ARHGEF10L: variants seen among roughly 807,000 people sequenced by gnomAD.
ARHGEF10L encodes rho guanine nucleotide exchange factor 10-like protein.
In ARHGEF10L, 69 loss-of-function variants were observed where a neutral mutation model predicts 141.2. The ratio of observed to expected loss-of-function variants is 0.49; its 90% CI spans 0.40 to 0.60. ARHGEF10L has a LOEUF of 0.60. ARHGEF10L is among the 20% of genes least tolerant of loss of function. ARHGEF10L has a pLI of 0.00. For missense variants in ARHGEF10L, 1,482 were observed against 1,734.3 expected, an observed-to-expected ratio of 0.85 and a Z score of 2.58; for synonymous variants, 711 against 718.5, an observed-to-expected ratio of 0.99 and a Z score of 0.17.
intron 27 of ARHGEF10L, among the ~76,000 whole-genome samples, chr1:17,690,124 C>T (rs1342585269): frequency 1.3e-5 from 2 of 152,190 alleles, no homozygotes; most frequent in Admixed American, 6.5e-5. Flanking sequence ...CACGGACTCT[C>T]GTTAGAGCTT....
chr1:17,591,292 GAGTGC>G (rs1224705802), intron 4 of ARHGEF10L, among the ~76,000 whole-genome samples: 1 of 152,222 alleles, frequency 6.6e-6, no homozygotes, highest in East Asian at 1.9e-4. Context: ...GCCCAGGCTG[GAGTGC>G]AGTGGTGTGA....
chr1:17,588,377 C>T (rs1161097564), intron 3 of ARHGEF10L, 69 bp from the exon 4 acceptor site: 18 of 1,570,522 alleles, frequency 1.1e-5, no homozygotes, highest in Admixed American at 5.0e-5. Context: ...GGGAAAGGGG[C>T]GGGGAAGGCC....
At position 17,696,678 on chromosome 1, in the gene ARHGEF10L, G is replaced by T. The variant is rs565281141; in HGVS notation, c.3308-170G>T. On this transcript the variant is annotated intron_variant, in intron 28 of 28. Transcript: ENST00000361221. ...TGTTCCACTCCCCTGAGGAAGTTGTGCAGGAGCACGGGATAGCCAGAGCCT... is the reference window on the plus strand; with the variant it reads ...TGTTCCACTCCCCTGAGGAAGTTGTTCAGGAGCACGGGATAGCCAGAGCCT... Among the ~76,000 whole-genome samples, 5 of 152,330 alleles carry T rather than the reference G, an allele frequency of 3.3e-5. No individual in the cohort carries two copies. The South Asian group carries it at 1.0e-3, about 32-fold the overall frequency.
Position 17,692,613 on chromosome 1 carries a change from G to A in ARHGEF10L, c.3185-2545G>A, listed in dbSNP as rs561701952. 3.3e-5 allele frequency among the ~76,000 whole-genome samples: 5 copies of A among 152,214 alleles called. 1 individual carries two copies. Among genetic ancestry groups the A allele is most frequent in the Admixed American group, 1.3e-4 (2 of 15,296 alleles). ...GGGCTCTCCTCACCTCACTGCCGCC[G>A]CCCTTCCCACCTGGGCAGCTGCGGG... On this transcript the variant is annotated intron_variant, in intron 27 of 28. Transcript: ENST00000361221.
intron 26 of ARHGEF10L, among the ~76,000 whole-genome samples, chr1:17,674,778 GA>G (rs2063541216): frequency 1.3e-5 from 2 of 152,130 alleles, no homozygotes; most frequent in South Asian, 4.1e-4. Context: ...TCTATGTTTA[GA>G]TATGTTCAGA....
chr1:17,556,466 G>A (rs1009003340), intron 1 of ARHGEF10L, among the ~76,000 whole-genome samples: 2 of 152,178 alleles, frequency 1.3e-5, no homozygotes, highest in Non-Finnish European at 2.9e-5. Flanking sequence ...CAGGGCTGAC[G>A]TTCTGTGAAC....
chr1:17,693,706 C>A (rs1339800), intron 27 of ARHGEF10L, among the ~76,000 whole-genome samples: 1 of 152,126 alleles, frequency 6.6e-6, no homozygotes, highest in Non-Finnish European at 1.5e-5. Context: ...CTGTTGCAAG[C>A]CTTGTGTCAG....
intron 4 of ARHGEF10L, among the ~76,000 whole-genome samples, chr1:17,592,185 C>T (rs2079604732): frequency 6.6e-6 from 1 of 152,204 alleles, no homozygotes; most frequent in African/African-American, 2.4e-5. Context: ...CTGTGTTTTT[C>T]CTGGACTCAG....
intron 10 of ARHGEF10L, among the ~76,000 whole-genome samples, chr1:17,620,119 C>T (rs2060026929): frequency 6.6e-6 from 1 of 151,050 alleles, no homozygotes; most frequent in South Asian, 2.1e-4. Flanking sequence ...AGGAGAATCA[C>T]TTGAACCTGG....
rs929789465 is a variant in ARHGEF10L, at chr1:17,639,905, T to C, written c.2172-297T>C. The C allele has an allele frequency of 2.1e-6, 3 of 1,439,412 alleles. No individual in the cohort carries two copies. In the Admixed American group the frequency reaches 6.3e-5, roughly 30 times the overall value. The allele number at this position is 1,439,412 out of a possible 1,614,324, so 89.2% of individuals were successfully genotyped here. A position where few individuals can be genotyped will look rare whatever the true frequency, so the allele number is the denominator to read the frequency against. Reference sequence around the variant, plus strand: ...CCGCTGACCAGGTGGAGTCACAGCCTGCAGAGGCTCTGCCGGGCACAAAGC... The same window carrying C: ...CCGCTGACCAGGTGGAGTCACAGCCCGCAGAGGCTCTGCCGGGCACAAAGC... On this transcript the variant is annotated intron_variant, in intron 20 of 28. Coordinates refer to ENST00000361221, the MANE Select transcript of ARHGEF10L (RefSeq NM_018125.4). The surrounding 1 kb of genome is among the most constrained non-coding windows in gnomAD (Gnocchi z 4.3).
At chr1:17,528,151 C>T in the ARHGEF10L span, among the ~76,000 whole-genome samples, 7 of 152,002 alleles carry the variant, frequency 4.6e-5, no homozygotes, top group Non-Finnish European at 8.8e-5. Flanking sequence ...TGAGCCACTG[C>T]GCCTGTCCCT....
the ARHGEF10L span, among the ~76,000 whole-genome samples, chr1:17,522,495 T>C: frequency 6.7e-6 from 1 of 150,160 alleles, no homozygotes; most frequent in African/African-American, 2.5e-5. Flanking sequence ...CCCCGACCCC[T>C]GGCTTCTAAC....
chr1:17,576,072 G>T lies in ARHGEF10L; in HGVS notation c.-43-4481G>T, dbSNP rs577431669. Among the ~76,000 whole-genome samples, 29 of 152,182 alleles carry T rather than the reference G, an allele frequency of 1.9e-4. 1 individual carries two copies. In the South Asian group the frequency reaches 6.0e-3, roughly 32 times the overall value. On this transcript the variant is annotated intron_variant, in intron 1 of 28. Transcript: ENST00000361221. ...CCGGCCTTTCCTGTCCTCAAGGCAC[G>T]ACTTGCGCAGCCTTCCAGACTTTCA...
At chr1:17,695,385 G>A in intron 28 of ARHGEF10L, 105 bp downstream of exon 28, 1 of 1,432,322 alleles carries the variant, frequency 7.0e-7, no homozygotes, top group Non-Finnish European at 9.2e-7. Flanking sequence ...TATAGGGATG[G>A]GGTTCCAGTC....
At chr1:17,543,545 T>C (rs2076806948) in intron 1 of ARHGEF10L, among the ~76,000 whole-genome samples, 1 of 151,958 alleles carries the variant, frequency 6.6e-6, no homozygotes, top group South Asian at 2.1e-4. Flanking sequence ...GTTGTGCCAT[T>C]GTACTCCAGC....
intron 1 of ARHGEF10L, among the ~76,000 whole-genome samples, chr1:17,554,048 C>T (rs924918286): frequency 1.3e-5 from 2 of 152,198 alleles, no homozygotes; most frequent in Non-Finnish European, 1.5e-5. Flanking sequence ...GCAGAGGATA[C>T]GTTTGCTAGG....
chr1:17,661,256 T>G (rs1217181530), intron 25 of ARHGEF10L, among the ~76,000 whole-genome samples: 1 of 152,142 alleles, frequency 6.6e-6, no homozygotes, highest in Non-Finnish European at 1.5e-5. Flanking sequence ...TTTTGTATTT[T>G]TAATAGAGAA....
At chr1:17,577,886 A>C (rs946148796) in intron 1 of ARHGEF10L, among the ~76,000 whole-genome samples, 1 of 152,200 alleles carries the variant, frequency 6.6e-6, no homozygotes, top group African/African-American at 2.4e-5. Flanking sequence ...ATAAAGTGTC[A>C]GGCTCCATAC....
At chr1:17,586,152 CCCAAGTATCAATTGTA>C (rs370141352) in intron 2 of ARHGEF10L, among the ~76,000 whole-genome samples, 1,924 of 152,332 alleles carry the variant, frequency 0.013, 43 homozygotes, top group African/African-American at 0.044. Context: ...ATTATCCAGT[CCCAAGTATCAATTGTA>C]CCAAGGCTGA....
Sources: allele counts gnomAD v4.1 joint callset (sites outside exome capture counted in the v4.1 genomes callset), GRCh38; gene constraint gnomAD v4.1.1; non-coding constraint Gnocchi (gnomAD v3.1); transcripts MANE v1.5; gene names NCBI Gene and HGNC (gene_info 2026-07-23, HGNC 2026-07-21).